The following GRM8 variants were observed in gnomAD, a reference collection of about 807,000 sequenced individuals.
The protein encoded by GRM8 is metabotropic glutamate receptor 8.
GRM8 carries 47 observed loss-of-function variants against 87.2 expected under a neutral mutation model. That is an observed-to-expected ratio of 0.54 (90% confidence interval 0.43 to 0.69). GRM8 has a LOEUF of 0.69. Ranked by LOEUF, GRM8 falls within the 30% of genes least tolerant of loss-of-function variation. The pLI is 0.00. For missense variants in GRM8, 1,019 were observed against 1,139.2 expected (o/e 0.89, Z 1.52); for synonymous variants, 396 against 404.5 (o/e 0.98, Z 0.25).
intron 7 of GRM8, among the ~76,000 whole-genome samples, chr7:126,712,480 C>T (rs1401459324): frequency 6.6e-6 from 1 of 151,920 alleles, no homozygotes; most frequent in Non-Finnish European, 1.5e-5. Context: ...AAAACAGCAC[C>T]CACCGACTTG....
intron 3 of GRM8, among the ~76,000 whole-genome samples, chr7:127,066,130 A>C (rs1586900804): frequency 1.3e-5 from 2 of 152,330 alleles, no homozygotes; most frequent in Middle Eastern, 3.4e-3. Context: ...ATCACATTGA[A>C]GAAACCTTAT....
chr7:126,547,686 T>C (rs935615386), intron 8 of GRM8, among the ~76,000 whole-genome samples: 2 of 151,842 alleles, frequency 1.3e-5, no homozygotes, highest in African/African-American at 2.4e-5. Context: ...GAAGAATTCA[T>C]GGAAAAGCAA....
chr7:126,642,567 G>A (rs1199723543), intron 7 of GRM8, among the ~76,000 whole-genome samples: 1 of 151,990 alleles, frequency 6.6e-6, no homozygotes, highest in African/African-American at 2.4e-5. Flanking sequence ...GTGAACCTGG[G>A]AGGCAGATCT....
chr7:126,634,448 G>T (rs1801648441), intron 7 of GRM8, among the ~76,000 whole-genome samples: 1 of 152,086 alleles, frequency 6.6e-6, no homozygotes, highest in Non-Finnish European at 1.5e-5. Flanking sequence ...AGTGAAACTT[G>T]GTTTCTCACT....
At chr7:126,664,442 T>C (rs191358577) in intron 7 of GRM8, among the ~76,000 whole-genome samples, 124 of 152,196 alleles carry the variant, frequency 8.1e-4, no homozygotes, top group African/African-American at 1.3e-3. Context: ...AACAGACACA[T>C]AGACTAATGT....
chr7:127,044,854 CA>C (rs1270646636), intron 3 of GRM8, among the ~76,000 whole-genome samples: 1 of 151,972 alleles, frequency 6.6e-6, no homozygotes, highest in African/African-American at 2.4e-5. Flanking sequence ...CTTTAGTACA[CA>C]AAAAAAGTAC....
At chr7:126,832,583 C>A (rs1339753189) in intron 6 of GRM8, among the ~76,000 whole-genome samples, 2 of 152,150 alleles carry the variant, frequency 1.3e-5, no homozygotes, top group African/African-American at 2.4e-5. Flanking sequence ...CCTAGACTTA[C>A]ACATTATGTC....
At chr7:126,976,429 C>T (rs1810993034) in intron 3 of GRM8, among the ~76,000 whole-genome samples, 1 of 152,008 alleles carries the variant, frequency 6.6e-6, no homozygotes, top group Non-Finnish European at 1.5e-5. Context: ...CCCGTCTCTA[C>T]TAAAAATACA....
At chr7:127,009,801 C>T (rs951341222) in intron 3 of GRM8, among the ~76,000 whole-genome samples, 8 of 151,934 alleles carry the variant, frequency 5.3e-5, no homozygotes, top group South Asian at 2.1e-4. Context: ...CTTTTCAACC[C>T]GTATAGCATG....
intron 6 of GRM8, among the ~76,000 whole-genome samples, chr7:126,806,434 G>GA (rs747858002): frequency 1.3e-5 from 2 of 152,234 alleles, no homozygotes; most frequent in Non-Finnish European, 2.9e-5. Context: ...CCAAAGTCCA[G>GA]AAGAGGACCC....
chr7:126,533,609 T>C lies in GRM8; in HGVS notation c.1773A>G (p.Ala591=). The C allele has an allele frequency of 6.2e-7, 1 of 1,614,060 alleles. No homozygotes were observed. Among genetic ancestry groups the C allele is most frequent in the Non-Finnish European group, 8.5e-7 (1 of 1,179,998 alleles). ...AGGTGGTGGCGATGATTCCCAATAT[T>C]GCAACAAACACAGGCACCACAGCCC... ...SPWAVVPVFV[A]ILGIIATTFV... The change falls in exon 9 of 11, where the codon GCA becomes GCG. Residue 591 remains alanine (A), a synonymous_variant. Coordinates refer to ENST00000339582, the MANE Select transcript of GRM8 (RefSeq NM_000845.3).
chr7:126,673,190 G>A (rs778985232), intron 7 of GRM8, among the ~76,000 whole-genome samples: 2 of 152,088 alleles, frequency 1.3e-5, no homozygotes, highest in Non-Finnish European at 2.9e-5. Context: ...CTGGCCTTGT[G>A]AGAGTCCCTG....
chr7:126,640,735 TC>T (rs1009104029), intron 7 of GRM8, among the ~76,000 whole-genome samples: 2 of 151,752 alleles, frequency 1.3e-5, no homozygotes, highest in Non-Finnish European at 2.9e-5. Flanking sequence ...TTCTGGACCT[TC>T]CCCCCCTCCT....
chr7:126,557,538 C>A (rs138452651), intron 8 of GRM8, among the ~76,000 whole-genome samples: 27 of 149,216 alleles, frequency 1.8e-4, no homozygotes, highest in African/African-American at 6.1e-4. Context: ...TAAGAAATTT[C>A]TGGAAATTCC....
chr7:126,983,283 T>C (rs1255358395), intron 3 of GRM8, among the ~76,000 whole-genome samples: 1 of 151,478 alleles, frequency 6.6e-6, no homozygotes, highest in Non-Finnish European at 1.5e-5. Flanking sequence ...CAAAAGGCCA[T>C]CCTGAAGCAT....
intron 6 of GRM8, among the ~76,000 whole-genome samples, chr7:126,874,983 T>C (rs906956388): frequency 5.9e-5 from 9 of 152,198 alleles, no homozygotes; most frequent in Non-Finnish European, 1.3e-4. Flanking sequence ...CTGTCAGTAA[T>C]TGGATGTCAT....
chr7:126,911,076 A>G (rs1803236101), intron 3 of GRM8, among the ~76,000 whole-genome samples: 1 of 152,250 alleles, frequency 6.6e-6, no homozygotes, highest in African/African-American at 2.4e-5. Context: ...TAGCCAGACA[A>G]GAATCATCAC....
chr7:126,445,982 T>C lies in GRM8; in HGVS notation c.2677+144A>G, dbSNP rs886836519. 9 of 927,600 alleles carry C rather than the reference T, an allele frequency of 9.7e-6. No individual in the cohort carries two copies. The South Asian group carries it at 1.3e-4, about 14-fold the overall frequency. The allele number at this position is 927,600 out of a possible 1,614,324, so 57.5% of individuals were successfully genotyped here. ...ACCATTTGCTTCGAATGGTTTTAAA[T>C]GTGATGGTGTCACGGTATGTGAGTA... On this transcript the variant is annotated intron_variant, in intron 10 of 10. Transcript: ENST00000339582.
chr7:126,714,320 TAATA>T (rs1279314611), intron 7 of GRM8, among the ~76,000 whole-genome samples: 1 of 136,036 alleles, frequency 7.4e-6, no homozygotes, highest in Non-Finnish European at 1.6e-5. Flanking sequence ...ATAATAATAA[TAATA>T]AATAGTATCT....
Sources: gnomAD v4.1 joint callset for allele counts (sites outside exome capture counted in the v4.1 genomes callset) on GRCh38, gnomAD v4.1.1 for gene constraint, MANE v1.5 for transcripts, NCBI Gene and HGNC (gene_info 2026-07-23, HGNC 2026-07-21) for gene names.